Variants in JAZF1 observed in about 807,000 individuals in gnomAD.
The protein encoded by JAZF1 is juxtaposed with another zinc finger protein 1.
JAZF1 carries 8 observed loss-of-function variants against 26.4 expected under a neutral mutation model. That is an observed-to-expected ratio of 0.30 (90% CI 0.18 to 0.55). The LOEUF (loss-of-function observed/expected upper bound fraction) is 0.55. JAZF1 is among the 20% of genes least tolerant of loss of function. JAZF1 has a pLI of 0.94. For synonymous variants in JAZF1, 126 were observed against 122.3 expected (o/e 1.03, Z -0.20); for missense variants, 199 against 322.0 (o/e 0.62, Z 2.92).
chr7:28,057,876 T>C (rs1341870982), intron 1 of JAZF1, among the ~76,000 whole-genome samples: 1 of 152,230 alleles, frequency 6.6e-6, no homozygotes, highest in Admixed American at 6.5e-5. Context: ...TCAACTCTAT[T>C]CATCTTTTCA....
At chr7:28,043,084 A>G (rs1205757696) in intron 1 of JAZF1, among the ~76,000 whole-genome samples, 2 of 152,234 alleles carry the variant, frequency 1.3e-5, no homozygotes, top group Non-Finnish European at 2.9e-5. Context: ...TGATCTGAGC[A>G]TCACTAGGGA....
chr7:27,939,715 C>G (rs1784814493), intron 2 of JAZF1, among the ~76,000 whole-genome samples: 2 of 152,234 alleles, frequency 1.3e-5, no homozygotes, highest in Non-Finnish European at 2.9e-5. Flanking sequence ...ATCAGCAACC[C>G]TAATGTGTTG....
chr7:27,991,849 T>G, intron 2 of JAZF1, 60 bp downstream of exon 2: 1 of 922,302 alleles, frequency 1.1e-6, no homozygotes, highest in Non-Finnish European at 1.7e-6. Flanking sequence ...AAAGATGTGT[T>G]TAAAAAGTCA....
chr7:28,014,750 G>A (rs1782855878), intron 1 of JAZF1, among the ~76,000 whole-genome samples: 1 of 152,200 alleles, frequency 6.6e-6, no homozygotes, highest in Non-Finnish European at 1.5e-5. Flanking sequence ...TAATAAACCT[G>A]GGTGTTAGAG....
At chr7:27,901,687 G>A (rs1018709960) in intron 2 of JAZF1, among the ~76,000 whole-genome samples, 2 of 152,222 alleles carry the variant, frequency 1.3e-5, no homozygotes, top group Non-Finnish European at 2.9e-5. Flanking sequence ...GAGGACACAT[G>A]GTCCAGAGGC....
chr7:27,991,985 TA>T lies in JAZF1; in HGVS notation c.116-5del, dbSNP rs1785912233. On this transcript the variant is annotated splice_region_variant and splice_polypyrimidine_tract_variant and intron_variant, in intron 1 of 4. Transcript: ENST00000283928. ...TCTAAAACCCGTGGATCTGTATCTG[TA>T]ATAAAAACACAATTACGATTTTTTT... The T allele has an allele frequency of 1.3e-6, 2 of 1,578,334 alleles. No individual in the cohort carries two copies. Among genetic ancestry groups the T allele is most frequent in the Non-Finnish European group, 1.7e-6 (2 of 1,147,874 alleles).
At chr7:27,995,880 G>A (rs1786005192) in intron 1 of JAZF1, among the ~76,000 whole-genome samples, 1 of 152,182 alleles carries the variant, frequency 6.6e-6, no homozygotes. Flanking sequence ...AAGTGGCAAG[G>A]AAACAGCAAG....
At chr7:28,147,755 A>C (rs1783050462) in intron 1 of JAZF1, among the ~76,000 whole-genome samples, 1 of 151,212 alleles carries the variant, frequency 6.6e-6, no homozygotes, top group Admixed American at 6.6e-5. Context: ...GTTGACACAT[A>C]CCTGTAGTGT....
chr7:28,000,240 C>G (rs918922274), intron 1 of JAZF1, among the ~76,000 whole-genome samples: 1 of 152,048 alleles, frequency 6.6e-6, no homozygotes, highest in Non-Finnish European at 1.5e-5. Context: ...CCCCCGACCC[C>G]CCATCCACAC....
intron 2 of JAZF1, among the ~76,000 whole-genome samples, chr7:27,971,058 T>C (rs1785368185): frequency 6.6e-6 from 1 of 152,186 alleles, no homozygotes; most frequent in African/African-American, 2.4e-5. Context: ...AAGAAGCCAG[T>C]ATGCGTTGAA....
intron 2 of JAZF1, among the ~76,000 whole-genome samples, chr7:27,913,978 GA>G (rs1343006273): frequency 6.6e-6 from 1 of 152,128 alleles, no homozygotes; most frequent in African/African-American, 2.4e-5. Flanking sequence ...CACAAGTTCT[GA>G]AAGCACGTAA....
chr7:28,070,990 C>T (rs1032214615), intron 1 of JAZF1, among the ~76,000 whole-genome samples: 3 of 152,162 alleles, frequency 2.0e-5, no homozygotes, highest in Non-Finnish European at 4.4e-5. Context: ...CTGTGAATAC[C>T]TTCATGGGAA....
At chr7:28,157,087 C>G (rs915910649) in intron 1 of JAZF1, among the ~76,000 whole-genome samples, 1 of 152,232 alleles carries the variant, frequency 6.6e-6, no homozygotes, top group Non-Finnish European at 1.5e-5. Context: ...TGGTGGTCTG[C>G]TCAATGTAAC....
intron 1 of JAZF1, among the ~76,000 whole-genome samples, chr7:28,014,971 A>T (rs1465717392): frequency 6.6e-6 from 1 of 152,048 alleles, no homozygotes; most frequent in African/African-American, 2.4e-5. Flanking sequence ...AGCAGCCCCC[A>T]GGATCCTGCC....
intron 1 of JAZF1, among the ~76,000 whole-genome samples, chr7:28,044,848 A>G (rs987632757): frequency 6.6e-6 from 1 of 152,176 alleles, no homozygotes; most frequent in African/African-American, 2.4e-5. Flanking sequence ...GAGACATTGT[A>G]ATCACTCTGG....
chr7:28,136,698 C>T (rs1329388077), intron 1 of JAZF1, among the ~76,000 whole-genome samples: 1 of 152,186 alleles, frequency 6.6e-6, no homozygotes, highest in Non-Finnish European at 1.5e-5. Context: ...AGTTTGTGGT[C>T]TAGTTAGGGA....
At chr7:27,905,586 C>A (rs542055547) in intron 2 of JAZF1, among the ~76,000 whole-genome samples, 1 of 143,798 alleles carries the variant, frequency 7.0e-6, no homozygotes, top group South Asian at 2.2e-4. Context: ...TTTTTATTTT[C>A]TTTTTTAAAG....
chr7:27,987,349 C>G (rs1562550461), intron 2 of JAZF1, among the ~76,000 whole-genome samples: 1 of 151,822 alleles, frequency 6.6e-6, no homozygotes, highest in Non-Finnish European at 1.5e-5. Context: ...CGACCGCCAC[C>G]CCATCTGGGA....
intron 2 of JAZF1, among the ~76,000 whole-genome samples, chr7:27,969,451 C>T (rs534281702): frequency 6.6e-6 from 1 of 152,188 alleles, no homozygotes; most frequent in African/African-American, 2.4e-5. Flanking sequence ...TCTGCGAATC[C>T]TTCTGCTTGT....
Sources: gnomAD v4.1 joint callset for allele counts (sites outside exome capture counted in the v4.1 genomes callset) on GRCh38, gnomAD v4.1.1 for gene constraint, MANE v1.5 for transcripts, NCBI Gene and HGNC (gene_info 2026-07-23, HGNC 2026-07-21) for gene names.